ITGAM: variants seen among roughly 807,000 people sequenced by gnomAD.
ITGAM encodes integrin subunit alpha M, also known as integrin alpha-M.
ITGAM carries 79 observed loss-of-function variants against 137.5 expected under a neutral mutation model. The observed-to-expected ratio is 0.57, with a 90% CI of 0.48 to 0.69. The LOEUF is 0.69. Ranked by LOEUF, ITGAM falls within the 30% of genes least tolerant of loss-of-function variation. The pLI is 0.00. For synonymous variants in ITGAM, 583 were observed against 592.3 expected (o/e 0.98, Z 0.23); for missense variants, 1,343 against 1,483.5 (o/e 0.91, Z 1.56).
rs1286646419 is a variant in ITGAM, at chr16:31,332,842, G to T, written c.*1135G>T. On this transcript the variant is annotated 3_prime_UTR_variant, in exon 30 of 30. Coordinates refer to ENST00000544665, the MANE Select transcript of ITGAM (RefSeq NM_000632.4). Reference sequence around the variant, plus strand: ...TTCATTCTCTTGTTATTGCATCAATGCTGAGTTAATAAATCAAATATATGT... The same window carrying T: ...TTCATTCTCTTGTTATTGCATCAATTCTGAGTTAATAAATCAAATATATGT... 2 of 152,152 alleles carry T rather than the reference G, an allele frequency of 1.3e-5. No homozygotes were observed. Among genetic ancestry groups the T allele is most frequent in the Non-Finnish European group, 2.9e-5 (2 of 68,034 alleles). 9.4% of individuals were successfully genotyped at this position (152,152 alleles called of 1,614,324 possible). A position where few individuals can be genotyped will look rare whatever the true frequency, so the allele number is the denominator to read the frequency against.
chr16:31,330,224 C>G (rs1311350766), intron 26 of ITGAM, 60 bp downstream of exon 26: 4 of 1,594,170 alleles, frequency 2.5e-6, no homozygotes, highest in Non-Finnish European at 3.4e-6. Flanking sequence ...CCTGCTGGAA[C>G]CTGTATGGTC....
chr16:31,303,585 T>C (rs2144408109), intron 14 of ITGAM, among the ~76,000 whole-genome samples: 1 of 152,280 alleles, frequency 6.6e-6, no homozygotes, highest in East Asian at 1.9e-4. Flanking sequence ...AAATATATAG[T>C]CTTTTGTCTC....
At chr16:31,292,839 T>C (rs554940898) in intron 12 of ITGAM, among the ~76,000 whole-genome samples, 1 of 152,234 alleles carries the variant, frequency 6.6e-6, no homozygotes, top group African/African-American at 2.4e-5. Context: ...GGAGTTGCCA[T>C]ACTGCTTTCC....
rs554665316 is a variant in ITGAM, at chr16:31,285,036, C to T, written c.1356+6927C>T. ...TCACGTCTCCAAAAACTGAGCTCCC[C>T]GAGTGAGCAATTCCTGTCCTTTTAA... On this transcript the variant is annotated intron_variant, in intron 12 of 29. Coordinates refer to ENST00000544665, the MANE Select transcript of ITGAM (RefSeq NM_000632.4). Among the ~76,000 whole-genome samples the T allele has an allele frequency of 1.5e-4, 23 of 152,156 alleles. 1 individual carries two copies. The highest frequency in any genetic ancestry group is 1.9e-4 in the African/African-American group (8 of 41,520).
intron 23 of ITGAM, among the ~76,000 whole-genome samples, 198 bp downstream of exon 23, chr16:31,328,428 G>A (rs1021359378): frequency 2.0e-5 from 3 of 151,758 alleles, no homozygotes; most frequent in Admixed American, 6.6e-5. Context: ...GTGCATGGAC[G>A]TGTATTTGTG....
chr16:31,265,506 A>C lies in ITGAM; in HGVS notation c.238+8A>C. The C allele has an allele frequency of 6.4e-7, 1 of 1,561,930 alleles. No individual in the cohort carries two copies. The highest frequency in any genetic ancestry group is 8.7e-7 in the Non-Finnish European group (1 of 1,144,872). ...AGCCCATCCGCCTGCAGGGTGAGTC[A>C]CTGCCCCGCCGGGCTGGGACTGGGA... On this transcript the variant is annotated splice_region_variant and intron_variant, in intron 3 of 29. Coordinates refer to ENST00000544665, the MANE Select transcript of ITGAM (RefSeq NM_000632.4).
At chr16:31,329,073 T>TTCCCCCCCCCCCCCCCCCCCCCC in intron 23 of ITGAM, 155 bp from the exon 24 acceptor site, 12 of 426,234 alleles carry the variant, frequency 2.8e-5, no homozygotes, top group South Asian at 4.3e-5. Context: ...ACACATTGGT[T>TTCCCCCCCCCCCCCCCCCCCCCC]CCCCCATCCC....
In ITGAM at chr16:31,260,105, G is replaced by C. The variant is rs2079682350; in HGVS notation, c.28+13G>C. 1 of 1,557,830 alleles carries C rather than the reference G, an allele frequency of 6.4e-7. No individual in the cohort carries two copies. The highest frequency in any genetic ancestry group is 1.4e-5 in the African/African-American group (1 of 73,900). On this transcript the variant is annotated intron_variant, in intron 1 of 29. Coordinates refer to ENST00000544665, the MANE Select transcript of ITGAM (RefSeq NM_000632.4). ...CTTCTGTTAACAGGTGCATGGGGGT[G>C]GGGTGGGGGACTCTGGGTGGGGAGG...
chr16:31,318,022 T>A (rs1427183975), intron 14 of ITGAM, among the ~76,000 whole-genome samples: 2 of 152,124 alleles, frequency 1.3e-5, no homozygotes, highest in East Asian at 3.8e-4. Context: ...GTTGGTAGAA[T>A]TTGCCTGAGA....
chr16:31,300,329 C>G (rs973799627), intron 14 of ITGAM, among the ~76,000 whole-genome samples: 1 of 152,164 alleles, frequency 6.6e-6, no homozygotes, highest in Non-Finnish European at 1.5e-5. Flanking sequence ...TATGGTAGTT[C>G]TATTTCTAAT....
intron 14 of ITGAM, among the ~76,000 whole-genome samples, chr16:31,320,472 G>T (rs1041679871): frequency 6.6e-6 from 1 of 151,586 alleles, no homozygotes. Context: ...TATTACTCTT[G>T]CACATACTTT....
At chr16:31,315,689 T>C (rs1214045175) in intron 14 of ITGAM, among the ~76,000 whole-genome samples, 1 of 151,714 alleles carries the variant, frequency 6.6e-6, no homozygotes, top group African/African-American at 2.4e-5. Context: ...GAACTCCTGA[T>C]CTAAGGTAAT....
At chr16:31,270,126 C>CTCCTTTGCT (rs1567248241) in intron 5 of ITGAM, among the ~76,000 whole-genome samples, 3,018 of 113,886 alleles carry the variant, frequency 0.027, 102 homozygotes, top group African/African-American at 0.066. Flanking sequence ...TCCTTCCTTC[C>CTCCTTTGCT]TTCCTCCTTT....
intron 5 of ITGAM, 123 bp downstream of exon 5, chr16:31,266,270 A>G (rs2079766768): frequency 4.4e-6 from 3 of 679,052 alleles, no homozygotes; most frequent in Admixed American, 5.0e-5. Context: ...ACTGGGTCCC[A>G]TTAGAGTCAG....
At chr16:31,265,317 T>C (rs2079752198) in intron 2 of ITGAM, 78 bp from the exon 3 acceptor site, 1 of 692,106 alleles carries the variant, frequency 1.4e-6, no homozygotes. Flanking sequence ...CACCGTCCTC[T>C]GGGTGGCAGA....
chr16:31,261,582 A>G, intron 1 of ITGAM, 110 bp from the exon 2 acceptor site: 1 of 636,434 alleles, frequency 1.6e-6, no homozygotes, highest in Non-Finnish European at 2.9e-6. Context: ...CAGTGGCACA[A>G]TCAGGGCTCA....
At chr16:31,289,661 C>T (rs967761177) in intron 12 of ITGAM, among the ~76,000 whole-genome samples, 1 of 152,140 alleles carries the variant, frequency 6.6e-6, no homozygotes, top group African/African-American at 2.4e-5. Context: ...ATGTAAATGA[C>T]AAGTTAATGG....
At chr16:31,309,839 G>A (rs1400511681) in intron 14 of ITGAM, among the ~76,000 whole-genome samples, 1 of 152,180 alleles carries the variant, frequency 6.6e-6, no homozygotes, top group African/African-American at 2.4e-5. Context: ...CTCTTTTAGG[G>A]CAGGCCTGGT....
At chr16:31,291,312 T>A (rs2080084855) in intron 12 of ITGAM, among the ~76,000 whole-genome samples, 1 of 152,210 alleles carries the variant, frequency 6.6e-6, no homozygotes, top group Non-Finnish European at 1.5e-5. Flanking sequence ...AGTGCAGTTA[T>A]CTCTTCAGTA....
Sources: gnomAD v4.1 joint callset for allele counts (sites outside exome capture counted in the v4.1 genomes callset) on GRCh38, gnomAD v4.1.1 for gene constraint, MANE v1.5 for transcripts, NCBI Gene and HGNC (gene_info 2026-07-23, HGNC 2026-07-21) for gene names.